The following DRC9 variants were observed in gnomAD, a reference collection of about 807,000 sequenced individuals.
DRC9 encodes the protein dynein regulatory complex protein 9.
At chr3:197,922,808 C>A in the DRC9 span, among the ~76,000 whole-genome samples, 1 of 151,724 alleles carries the variant, frequency 6.6e-6, no homozygotes, top group African/African-American at 2.4e-5. Context: ...TCAAAAGATT[C>A]ATGACTTTTA....
chr3:197,955,895 T>C, the DRC9 span: 1 of 860,388 alleles, frequency 1.2e-6, no homozygotes, highest in Non-Finnish European at 2.0e-6. Context: ...GCTCAGCATT[T>C]TTGGAGTACA....
At chr3:197,930,736 G>GAAAAAAAA in the DRC9 span, among the ~76,000 whole-genome samples, 1 of 94,252 alleles carries the variant, frequency 1.1e-5, no homozygotes, top group African/African-American at 3.7e-5. Flanking sequence ...CTCAGTCTCA[G>GAAAAAAAA]AAAAAAAAAA....
the DRC9 span, among the ~76,000 whole-genome samples, chr3:197,919,365 T>C: frequency 0.39 from 60,029 of 152,104 alleles, 16,505 homozygotes; most frequent in African/African-American, 0.79. Flanking sequence ...GTCCTCTTCT[T>C]CCCAGTGTGT....
the DRC9 span, chr3:197,950,939 T>C: frequency 1.2e-6 from 2 of 1,614,022 alleles, no homozygotes; most frequent in East Asian, 2.2e-5. Flanking sequence ...TTTTAAGGCC[T>C]GCTGGGAACG....
chr3:197,952,973 G>GT, the DRC9 span, among the ~76,000 whole-genome samples: 1 of 151,608 alleles, frequency 6.6e-6, no homozygotes, highest in Non-Finnish European at 1.5e-5. Context: ...GCTAACTTTT[G>GT]TATTTTTAGT....
At chr3:197,943,841 G>A in the DRC9 span, 1 of 1,614,106 alleles carries the variant, frequency 6.2e-7, no homozygotes, top group South Asian at 1.1e-5. Context: ...TAGAGAGCTG[G>A]TCTGTGGTGT....
the DRC9 span, among the ~76,000 whole-genome samples, chr3:197,898,442 C>T: frequency 9.2e-5 from 14 of 152,168 alleles, no homozygotes; most frequent in Admixed American, 9.2e-4. Context: ...GCAACATAAA[C>T]TCAAAGAAAG....
the DRC9 span, among the ~76,000 whole-genome samples, chr3:197,942,358 T>C: frequency 3.2e-4 from 35 of 109,634 alleles, 1 homozygote; most frequent in East Asian, 5.7e-3. Flanking sequence ...CACTCCAGCC[T>C]GGGCAACAGA....
chr3:197,931,032 CAAAAAAAGAAA>C, the DRC9 span, among the ~76,000 whole-genome samples: 4 of 134,070 alleles, frequency 3.0e-5, no homozygotes, highest in African/African-American at 1.1e-4. Context: ...GACTCCATCT[CAAAAAAAGAAA>C]AAAAAAAGAA....
At chr3:197,904,940 T>C in the DRC9 span, among the ~76,000 whole-genome samples, 1 of 152,164 alleles carries the variant, frequency 6.6e-6, no homozygotes, top group Non-Finnish European at 1.5e-5. Flanking sequence ...TGCAACAATA[T>C]AGATGGAACT....
chr3:197,954,017 C>T, the DRC9 span: 1 of 1,613,170 alleles, frequency 6.2e-7, no homozygotes, highest in South Asian at 1.1e-5. Context: ...ACAGTCACTC[C>T]TGGCGGCAAA....
the DRC9 span, among the ~76,000 whole-genome samples, chr3:197,904,039 C>CATATATATACATAT: frequency 7.7e-5 from 5 of 65,334 alleles, no homozygotes; most frequent in Non-Finnish European, 1.3e-4. Flanking sequence ...TATATACATA[C>CATATATATACATAT]ATATATATAC....
chr3:197,959,975 T>C, the DRC9 span: 2 of 547,296 alleles, frequency 3.7e-6, no homozygotes, highest in Non-Finnish European at 6.5e-6. Context: ...GACACCCACA[T>C]ACGGCCAACG....
chr3:197,892,897 G>T, the DRC9 span: 1 of 1,096,166 alleles, frequency 9.1e-7, no homozygotes, highest in Non-Finnish European at 1.3e-6. Flanking sequence ...TACTTACCTG[G>T]GTGGAGAGTT....
At chr3:197,960,000 T>C in the DRC9 span, 6 of 560,422 alleles carry the variant, frequency 1.1e-5, no homozygotes, top group African/African-American at 7.6e-5. Context: ...CTAGCCTTTC[T>C]TCCTCCCACA....
the DRC9 span, among the ~76,000 whole-genome samples, chr3:197,903,793 G>GA: frequency 3.3e-5 from 5 of 151,660 alleles, no homozygotes; most frequent in East Asian, 9.7e-4. Context: ...AAGTCTATAG[G>GA]AAAAAATCTA....
At chr3:197,944,061 G>A in the DRC9 span, 3 of 1,597,214 alleles carry the variant, frequency 1.9e-6, no homozygotes, top group Admixed American at 3.6e-5. Context: ...TCTAAGGAAA[G>A]AATAAAGAAA....
the DRC9 span, among the ~76,000 whole-genome samples, chr3:197,926,769 C>T: frequency 6.6e-6 from 1 of 152,142 alleles, no homozygotes; most frequent in Admixed American, 6.5e-5. Context: ...GGCTCAAGGA[C>T]TCTTGATGAC....
the DRC9 span, among the ~76,000 whole-genome samples, chr3:197,910,333 G>C: frequency 6.6e-6 from 1 of 152,126 alleles, no homozygotes; most frequent in Non-Finnish European, 1.5e-5. Flanking sequence ...ATATACTTAT[G>C]TATTGCTTGT....
Sources: allele counts gnomAD v4.1 joint callset (sites outside exome capture counted in the v4.1 genomes callset), GRCh38; gene constraint gnomAD v4.1.1; transcripts MANE v1.5; gene names NCBI Gene and HGNC (gene_info 2026-07-23, HGNC 2026-07-21).